GIPC1: variants seen among roughly 807,000 people sequenced by gnomAD.
GIPC1 encodes GIPC PDZ domain containing family member 1, also known as PDZ domain-containing protein GIPC1.
Under a neutral mutation model 28.5 loss-of-function variants are expected in GIPC1, and 15 were observed. That is an observed-to-expected ratio of 0.53 (90% confidence interval 0.35 to 0.81). The LOEUF (loss-of-function observed/expected upper bound fraction) is 0.81. GIPC1 is among the 30% of genes least tolerant of loss of function. The pLI, the probability that GIPC1 is intolerant of heterozygous loss-of-function variation, is 0.01. For synonymous variants in GIPC1, 224 were observed against 206.1 expected, an observed-to-expected ratio of 1.09 and a Z score of -0.74; for missense variants, 439 against 481.9, an observed-to-expected ratio of 0.91 and a Z score of 0.83.
intron 2 of GIPC1, 24 bp from the exon 3 acceptor site, chr19:14,491,767 A>C (rs906394127): frequency 1.3e-5 from 2 of 152,094 alleles, no homozygotes; most frequent in Non-Finnish European, 2.9e-5. Context: ...GTCATGTCGC[A>C]TTTGTCTCTG....
At position 14,478,076 on chromosome 19, in the gene GIPC1, G is replaced by T; in HGVS notation, c.*340C>A. On this transcript the variant is annotated 3_prime_UTR_variant, in exon 9 of 9. Coordinates refer to ENST00000393033, the MANE Select transcript of GIPC1 (RefSeq NM_005716.4). The surrounding 1 kb of genome is among the most constrained non-coding windows in gnomAD (Gnocchi z 5.2). ...CCCCCAAACAGAACCCAAGGCCCCAGGGAGACAGAGGGACCAGTTTGGCAG... is the reference window on the plus strand; with the variant it reads ...CCCCCAAACAGAACCCAAGGCCCCATGGAGACAGAGGGACCAGTTTGGCAG... 3.5e-6 allele frequency: 1 copy of T among 284,852 alleles called. No homozygotes were observed. Among genetic ancestry groups the T allele is most frequent in the Non-Finnish European group, 6.7e-6 (1 of 148,786 alleles). 17.6% of individuals were successfully genotyped at this position (284,852 alleles called of 1,614,324 possible). A position where few individuals can be genotyped will look rare whatever the true frequency, so the allele number is the denominator to read the frequency against.
chr19:14,480,166 G>A, intron 6 of GIPC1, 139 bp downstream of exon 6: 1 of 707,408 alleles, frequency 1.4e-6, no homozygotes, highest in African/African-American at 1.8e-5. Flanking sequence ...GTCGGGAGGA[G>A]CTGCAACCCC....
chr19:14,488,041 G>A (rs1408591371), intron 3 of GIPC1, among the ~76,000 whole-genome samples: 1 of 152,144 alleles, frequency 6.6e-6, no homozygotes, highest in Non-Finnish European at 1.5e-5. Context: ...GACAAGATCA[G>A]TGAGGGCGTC....
chr19:14,485,702 TAG>T (rs747570310), intron 3 of GIPC1, among the ~76,000 whole-genome samples: 1,163 of 58,538 alleles, frequency 0.02, 12 homozygotes, highest in South Asian at 0.097. Flanking sequence ...TATATATATA[TAG>T]AGAGAGAGAG....
chr19:14,493,480 T>C (rs1329573454), intron 1 of GIPC1, among the ~76,000 whole-genome samples: 2 of 151,540 alleles, frequency 1.3e-5, no homozygotes, highest in Non-Finnish European at 2.9e-5. Context: ...TTTTTCGAGA[T>C]GGAGTCTTGC....
intron 3 of GIPC1, among the ~76,000 whole-genome samples, chr19:14,487,319 G>A (rs892062850): frequency 2.7e-5 from 4 of 149,656 alleles, no homozygotes; most frequent in South Asian, 4.2e-4. Flanking sequence ...TGCAAGCTCC[G>A]CCTCCCAGGT....
At chr19:14,481,282 A>T (rs2071723457) in intron 4 of GIPC1, among the ~76,000 whole-genome samples, 1 of 151,766 alleles carries the variant, frequency 6.6e-6, no homozygotes, top group African/African-American at 2.4e-5. Flanking sequence ...AGTTAAAATA[A>T]TTTTTTTTAG....
intron 2 of GIPC1, among the ~76,000 whole-genome samples, chr19:14,492,585 C>T (rs1376787877): frequency 2.6e-5 from 4 of 152,116 alleles, no homozygotes; most frequent in Non-Finnish European, 5.9e-5. Context: ...GGATTATAGG[C>T]GTGAGCCACT....
chr19:14,479,189 T>C (rs2071667871), intron 7 of GIPC1, among the ~76,000 whole-genome samples: 1 of 151,930 alleles, frequency 6.6e-6, no homozygotes, highest in Non-Finnish European at 1.5e-5. Flanking sequence ...CCATCTCTAC[T>C]AAAAATACAA....
intron 3 of GIPC1, among the ~76,000 whole-genome samples, chr19:14,485,696 TATATATAGAGAG>T (rs2071820464): frequency 1.4e-5 from 1 of 73,846 alleles, no homozygotes; most frequent in African/African-American, 5.0e-5. Flanking sequence ...TATATATATA[TATATATAGAGAG>T]AGAGAGAGAG....
intron 3 of GIPC1, among the ~76,000 whole-genome samples, chr19:14,485,115 G>A (rs1172805398): frequency 1.3e-5 from 2 of 151,940 alleles, no homozygotes; most frequent in Non-Finnish European, 2.9e-5. Context: ...AGCTGAGATT[G>A]CACCACTGCA....
At chr19:14,493,452 ATC>A (rs964446878) in intron 1 of GIPC1, among the ~76,000 whole-genome samples, 5 of 148,220 alleles carry the variant, frequency 3.4e-5, no homozygotes, top group South Asian at 2.1e-4. Context: ...GGCCTTGCCC[ATC>A]TCTCTCTCTT....
intron 2 of GIPC1, among the ~76,000 whole-genome samples, chr19:14,491,950 C>T (rs1402761613): frequency 6.6e-6 from 1 of 152,062 alleles, no homozygotes; most frequent in African/African-American, 2.4e-5. Flanking sequence ...CGCCTGCAGT[C>T]CCAGCTACTC....
In GIPC1 at chr19:14,478,438, T is replaced by C; in HGVS notation, c.980A>G (p.Asp327Gly). The C allele has an allele frequency of 6.2e-7, 1 of 1,610,774 alleles. No homozygotes were observed. Residue 327 changes from aspartate (D) to glycine (G), a missense_variant, in exon 9 of 9, where the codon GAC (aspartate) becomes GGC (glycine). Physicochemically the swap from Asp to Gly is moderately conservative, Grantham distance 94. Transcript: ENST00000393033. The surrounding 1 kb of genome is among the most constrained non-coding windows in gnomAD (Gnocchi z 5.2). Reference protein sequence around the residue: ...FVFDVWGAIGDAKVGRY With the variant: ...FVFDVWGAIGGAKVGRY ...GTCCTAGTAGCGGCCGACCTTGGCGTCCCCAATGGCGCCCCAGACGTCAAA... is the reference window on the plus strand; with the variant it reads ...GTCCTAGTAGCGGCCGACCTTGGCGCCCCCAATGGCGCCCCAGACGTCAAA...
chr19:14,486,797 C>T (rs1243491204), intron 3 of GIPC1, among the ~76,000 whole-genome samples: 6 of 150,094 alleles, frequency 4.0e-5, no homozygotes, highest in African/African-American at 7.4e-5. Flanking sequence ...CTGCAACCTC[C>T]GCCTCCTGGG....
Position 14,493,571 on chromosome 19 carries a change from C to T in GIPC1, c.-174-659G>A, listed in dbSNP as rs535487523. On this transcript the variant is annotated intron_variant, in intron 1 of 8. Transcript: ENST00000393033. ...CTCCTGGGTTCAAACGATTCTTCTG[C>T]CCTAGCCTCCTGAGTAGCTGGGATT... 1.1e-4 allele frequency among the ~76,000 whole-genome samples: 16 copies of T among 152,174 alleles called. No homozygotes were observed. The South Asian group carries it at 1.7e-3, about 16-fold the overall frequency.
chr19:14,479,448 C>G lies in GIPC1; in HGVS notation c.732G>C (p.Arg244=). The G allele has an allele frequency of 7.0e-7, 1 of 1,428,642 alleles. No individual in the cohort carries two copies. The highest frequency in any genetic ancestry group is 9.2e-7 in the Non-Finnish European group (1 of 1,091,370). The allele number at this position is 1,428,642 out of a possible 1,614,324, so 88.5% of individuals were successfully genotyped here. A position where few individuals can be genotyped will look rare whatever the true frequency, so the allele number is the denominator to read the frequency against. ...CCGTGGCGGGGCCCCGGGATCGGAG[C>G]CGCAGGGTCCCTCGGCCAGTGCCCA... ...PQLGTGRGTL[R]LRSRGPATVE... Residue 244 remains arginine, a synonymous_variant, in exon 7 of 9, where the codon CGG becomes CGC. Transcript: ENST00000393033.
chr19:14,482,558 C>A, intron 4 of GIPC1, 131 bp downstream of exon 4: 1 of 898,518 alleles, frequency 1.1e-6, no homozygotes, highest in Admixed American at 2.2e-5. Flanking sequence ...GCCATTGGCC[C>A]CCACCACTGA....
chr19:14,483,301 T>C (rs975615089), intron 3 of GIPC1: 11 of 272,384 alleles, frequency 4.0e-5, no homozygotes, highest in African/African-American at 2.5e-4. Context: ...ACTAAAAATA[T>C]AAAAATTAGC....
Sources: gnomAD v4.1 joint callset for allele counts (sites outside exome capture counted in the v4.1 genomes callset) on GRCh38, gnomAD v4.1.1 for gene constraint, Gnocchi (gnomAD v3.1) non-coding constraint, MANE v1.5 for transcripts, NCBI Gene and HGNC (gene_info 2026-07-23, HGNC 2026-07-21) for gene names.